CSMD1: variants seen among roughly 807,000 people sequenced by gnomAD.
CSMD1 encodes the protein CUB and Sushi multiple domains 1.
In CSMD1, 213 loss-of-function variants were observed where a neutral mutation model predicts 417.5. The observed-to-expected ratio is 0.51, with a 90% confidence interval of 0.46 to 0.57. CSMD1 has a LOEUF of 0.57. Ranked by LOEUF, CSMD1 falls within the 20% of genes least tolerant of loss-of-function variation. The pLI is 0.00. For synonymous variants in CSMD1, 2,862 were observed against 1,736.8 expected, an observed-to-expected ratio of 1.65 and a Z score of -16.11; for missense variants, 6,923 against 4,529.7, an observed-to-expected ratio of 1.53 and a Z score of -15.17.
chr8:4,341,307 A>T (rs908048955), intron 3 of CSMD1, among the ~76,000 whole-genome samples: 2 of 152,110 alleles, frequency 1.3e-5, no homozygotes, highest in Non-Finnish European at 2.9e-5. Flanking sequence ...TATATTAAGC[A>T]ATCAATCATA....
intron 3 of CSMD1, among the ~76,000 whole-genome samples, chr8:4,310,841 C>G (rs919092831): frequency 3.9e-5 from 6 of 152,148 alleles, no homozygotes; most frequent in Non-Finnish European, 7.3e-5. Context: ...AAGACTATCT[C>G]AAAAGAAATG....
chr8:3,654,288 T>C (rs867719109), intron 7 of CSMD1, among the ~76,000 whole-genome samples: 5 of 152,180 alleles, frequency 3.3e-5, no homozygotes, highest in African/African-American at 4.8e-5. Flanking sequence ...TTAAGTACAA[T>C]AGAAATACAA....
chr8:4,344,217 T>A (rs1199059510), intron 3 of CSMD1, among the ~76,000 whole-genome samples: 1 of 152,138 alleles, frequency 6.6e-6, no homozygotes, highest in Non-Finnish European at 1.5e-5. Context: ...GAGACTTTCC[T>A]CTGTTTTCCC....
chr8:4,975,512 C>G (rs187531359), intron 1 of CSMD1, among the ~76,000 whole-genome samples: 2 of 152,072 alleles, frequency 1.3e-5, no homozygotes, highest in African/African-American at 2.4e-5. Context: ...AGCAAAAGGC[C>G]AAATCACTTA....
At chr8:3,991,462 T>C (rs537573223) in intron 5 of CSMD1, among the ~76,000 whole-genome samples, 2 of 152,318 alleles carry the variant, frequency 1.3e-5, no homozygotes, top group East Asian at 3.9e-4. Flanking sequence ...TGTGTCCTCT[T>C]AGAAGCCTGA....
chr8:3,436,075 C>G (rs1342147637), intron 12 of CSMD1, among the ~76,000 whole-genome samples: 1 of 152,180 alleles, frequency 6.6e-6, no homozygotes, highest in East Asian at 1.9e-4. Flanking sequence ...ACTCACACTG[C>G]TGGTTCCACC....
At chr8:3,793,119 A>G (rs1355793864) in intron 5 of CSMD1, among the ~76,000 whole-genome samples, 2 of 152,198 alleles carry the variant, frequency 1.3e-5, no homozygotes, top group Non-Finnish European at 2.9e-5. Flanking sequence ...GAGGATACCC[A>G]CAAGAGTGGA....
intron 1 of CSMD1, among the ~76,000 whole-genome samples, chr8:4,859,431 G>T (rs924051600): frequency 1.3e-5 from 2 of 151,514 alleles, no homozygotes; most frequent in African/African-American, 2.4e-5. Flanking sequence ...CTAATTAAGA[G>T]CTTCTGCACA....
intron 2 of CSMD1, among the ~76,000 whole-genome samples, chr8:4,472,257 C>A (rs1443456825): frequency 6.6e-6 from 1 of 152,006 alleles, no homozygotes; most frequent in Admixed American, 6.6e-5. Flanking sequence ...TTTTGCACAG[C>A]CTCAGATGCA....
chr8:4,939,441 A>G (rs1264494803), intron 1 of CSMD1, among the ~76,000 whole-genome samples: 4 of 152,222 alleles, frequency 2.6e-5, no homozygotes, highest in African/African-American at 9.6e-5. Context: ...CGTAATCTAT[A>G]TACCTAATGG....
At chr8:4,124,712 C>A (rs1278845381) in intron 3 of CSMD1, among the ~76,000 whole-genome samples, 2 of 152,144 alleles carry the variant, frequency 1.3e-5, no homozygotes, top group African/African-American at 2.4e-5. Flanking sequence ...CCTAAGGGGG[C>A]TTTTCCCTAA....
chr8:4,040,959 A>T lies in CSMD1; in HGVS notation c.416-8860T>A, dbSNP rs1186388541. 2.7e-5 allele frequency among the ~76,000 whole-genome samples: 4 copies of T among 150,936 alleles called. No homozygotes were observed. The East Asian group carries it at 5.8e-4, about 22-fold the overall frequency. On this transcript the variant is annotated intron_variant, in intron 3 of 69. Transcript: ENST00000635120. Reference sequence around the variant, plus strand: ...AATAATCTTATGGTCTTACATTTTGACTTCACTAGTGAATCCTCACGTGGT... The same window carrying T: ...AATAATCTTATGGTCTTACATTTTGTCTTCACTAGTGAATCCTCACGTGGT...
At chr8:4,950,170 T>C (rs968273478) in intron 1 of CSMD1, among the ~76,000 whole-genome samples, 1 of 152,186 alleles carries the variant, frequency 6.6e-6, no homozygotes, top group Non-Finnish European at 1.5e-5. Flanking sequence ...TTGTATATGA[T>C]TGTGCTATCA....
chr8:4,636,039 T>C (rs1008857836), intron 2 of CSMD1, among the ~76,000 whole-genome samples: 54 of 152,158 alleles, frequency 3.5e-4, no homozygotes, highest in African/African-American at 1.3e-3. Context: ...ATTTAACCTA[T>C]TAGTTATGTA....
rs376061593 is a variant in CSMD1, at chr8:4,980,457, A to C, written c.85+13875T>G. 2.1e-4 allele frequency among the ~76,000 whole-genome samples: 32 copies of C among 152,332 alleles called. No individual in the cohort carries two copies. The East Asian group carries it at 5.8e-3, about 28-fold the overall frequency. ...GAGTTTGTCAGGCGAGGAGGCTTTC[A>C]AGAGGCCTGTGGGCCTCCTGGGAGA... On this transcript the variant is annotated intron_variant, in intron 1 of 69. Coordinates refer to ENST00000635120, the MANE Select transcript of CSMD1 (RefSeq NM_033225.6).
intron 49 of CSMD1, among the ~76,000 whole-genome samples, chr8:3,052,946 T>C (rs1585234612): frequency 6.6e-6 from 1 of 151,986 alleles, no homozygotes; most frequent in South Asian, 2.1e-4. Context: ...CACACCACCA[T>C]GCTGGCTAAT....
intron 3 of CSMD1, among the ~76,000 whole-genome samples, chr8:4,111,413 A>G (rs1478202157): frequency 6.6e-6 from 1 of 152,192 alleles, no homozygotes; most frequent in Non-Finnish European, 1.5e-5. Flanking sequence ...TCTTTATTAT[A>G]GAATTATTTA....
intron 2 of CSMD1, among the ~76,000 whole-genome samples, chr8:4,465,367 G>C (rs752515062): frequency 6.6e-5 from 10 of 152,114 alleles, no homozygotes; most frequent in African/African-American, 2.2e-4. Flanking sequence ...GTCTACTAAA[G>C]ATAAATGAGA....
chr8:4,076,912 C>A (rs1490839961), intron 3 of CSMD1, among the ~76,000 whole-genome samples: 1 of 152,118 alleles, frequency 6.6e-6, no homozygotes, highest in Non-Finnish European at 1.5e-5. Context: ...AAATTTTGAA[C>A]TATAACATGG....
Sources: allele counts gnomAD v4.1 joint callset (sites outside exome capture counted in the v4.1 genomes callset), GRCh38; gene constraint gnomAD v4.1.1; transcripts MANE v1.5; gene names NCBI Gene and HGNC (gene_info 2026-07-23, HGNC 2026-07-21).